MAP7: variants seen among roughly 807,000 people sequenced by gnomAD.
MAP7 encodes ensconsin.
Under a neutral mutation model 94.8 loss-of-function variants are expected in MAP7, and 52 were observed. That is an observed-to-expected ratio of 0.55 (90% CI 0.44 to 0.69). MAP7 has a LOEUF of 0.69. MAP7 is among the 30% of genes least tolerant of loss of function. MAP7 has a pLI of 0.00. For synonymous variants in MAP7, 350 were observed against 357.0 expected, an observed-to-expected ratio of 0.98 and a Z score of 0.22; for missense variants, 940 against 964.6, an observed-to-expected ratio of 0.97 and a Z score of 0.34.
chr6:136,511,161 T>C (rs1259109697), intron 1 of MAP7, among the ~76,000 whole-genome samples: 1 of 152,158 alleles, frequency 6.6e-6, no homozygotes, highest in Non-Finnish European at 1.5e-5. Context: ...GAAGTGTTGA[T>C]ATAAGAGGTC....
Position 136,343,201 on chromosome 6 carries a change from G to A in MAP7, c.*1027C>T, listed in dbSNP as rs1338492933. ...AATGAAAGGTGAAAAGCTGACAGAT[G>A]CCACGCAGAGCAAGGACTTCCATGA... On this transcript the variant is annotated 3_prime_UTR_variant, in exon 18 of 18. Transcript: ENST00000354570. 6.5e-6 allele frequency: 1 copy of A among 152,762 alleles called. No homozygotes were observed. Among genetic ancestry groups the A allele is most frequent in the Non-Finnish European group, 1.5e-5 (1 of 68,022 alleles). 9.5% of individuals were successfully genotyped at this position (152,762 alleles called of 1,614,324 possible).
At chr6:136,408,346 C>T (rs1049503526) in intron 3 of MAP7, among the ~76,000 whole-genome samples, 7 of 152,046 alleles carry the variant, frequency 4.6e-5, no homozygotes, top group Admixed American at 1.3e-4. Context: ...AAAAGCAGGC[C>T]ACATGACATA....
chr6:136,373,978 T>C (rs1381825204), intron 7 of MAP7, among the ~76,000 whole-genome samples: 1 of 152,228 alleles, frequency 6.6e-6, no homozygotes, highest in African/African-American at 2.4e-5. Flanking sequence ...TTGTTCTGCT[T>C]TGAGACAGGA....
chr6:136,504,993 T>C (rs1202027031), intron 1 of MAP7, among the ~76,000 whole-genome samples: 1 of 152,150 alleles, frequency 6.6e-6, no homozygotes, highest in Non-Finnish European at 1.5e-5. Context: ...ATATTTAAAA[T>C]GTGTTTAAAA....
intron 1 of MAP7, among the ~76,000 whole-genome samples, chr6:136,510,688 G>C (rs1823003814): frequency 6.6e-6 from 1 of 152,000 alleles, no homozygotes; most frequent in Non-Finnish European, 1.5e-5. Context: ...TATTTTGGGA[G>C]CGACCATACT....
At chr6:136,426,688 G>C (rs1203109554) in intron 1 of MAP7, among the ~76,000 whole-genome samples, 1 of 152,228 alleles carries the variant, frequency 6.6e-6, no homozygotes, top group African/African-American at 2.4e-5. Context: ...AGGCAGGAGA[G>C]ACAATCAGGA....
rs559869492 is a variant in MAP7 at position 136,414,252 on chromosome 6, C to CAAAAAAAAAAAAAAA, written c.167-2570_167-2556dup. Among the ~76,000 whole-genome samples the CAAAAAAAAAAAAAAA allele has an allele frequency of 7.8e-3, 124 of 15,948 alleles. 13 individuals carry two copies. Among genetic ancestry groups the CAAAAAAAAAAAAAAA allele is most frequent in the Non-Finnish European group, 0.011 (70 of 6,160 alleles). 10.5% of individuals were successfully genotyped at this position (15,948 alleles called of 152,430 possible). On this transcript the variant is annotated intron_variant, in intron 2 of 17. Transcript: ENST00000354570. Reference sequence around the variant, plus strand: ...TGGGCGACAGAGCGAGACTCCGTCTCAAAAAAAAAAAAAAAAAAAAAAAAA... The same window carrying CAAAAAAAAAAAAAAA: ...TGGGCGACAGAGCGAGACTCCGTCTCAAAAAAAAAAAAAAAAAAAAAAAAAAAAAAAAAAAAAAAA...
chr6:136,485,222 C>T (rs1171952637), intron 1 of MAP7, among the ~76,000 whole-genome samples: 3 of 152,312 alleles, frequency 2.0e-5, no homozygotes, highest in African/African-American at 7.2e-5. Flanking sequence ...TCAATAAGGT[C>T]TCTAAACTTA....
At chr6:136,540,517 C>T (rs1205440479) in intron 1 of MAP7, among the ~76,000 whole-genome samples, 1 of 152,154 alleles carries the variant, frequency 6.6e-6, no homozygotes, top group African/African-American at 2.4e-5. Flanking sequence ...TATATGTGTG[C>T]ATACTTAGCT....
intron 1 of MAP7, among the ~76,000 whole-genome samples, chr6:136,443,068 C>T (rs1001341522): frequency 1.3e-5 from 2 of 151,916 alleles, no homozygotes; most frequent in African/African-American, 4.8e-5. Context: ...AATATGTATA[C>T]CCTAGAATTA....
intron 1 of MAP7, among the ~76,000 whole-genome samples, chr6:136,502,759 A>G (rs931513800): frequency 1.3e-5 from 2 of 152,244 alleles, no homozygotes; most frequent in African/African-American, 4.8e-5. Flanking sequence ...CTCTAAGCAG[A>G]GCTCTCCTCT....
At chr6:136,376,140 C>T (rs1776065406) in intron 7 of MAP7, among the ~76,000 whole-genome samples, 1 of 152,174 alleles carries the variant, frequency 6.6e-6, no homozygotes, top group Non-Finnish European at 1.5e-5. Flanking sequence ...GCTCTATCCC[C>T]CAGGCTGGAG....
At chr6:136,376,879 A>C (rs1399203612) in intron 7 of MAP7, among the ~76,000 whole-genome samples, 1 of 152,228 alleles carries the variant, frequency 6.6e-6, no homozygotes, top group Non-Finnish European at 1.5e-5. Flanking sequence ...AAAGCAGGCT[A>C]ATGAACATGG....
intron 1 of MAP7, among the ~76,000 whole-genome samples, chr6:136,469,818 A>G (rs1026680281): frequency 1.3e-5 from 2 of 152,228 alleles, no homozygotes; most frequent in African/African-American, 4.8e-5. Flanking sequence ...AAATTTGTTC[A>G]AGTCAAGATC....
At chr6:136,493,716 T>C (rs1817395562) in intron 1 of MAP7, among the ~76,000 whole-genome samples, 1 of 152,214 alleles carries the variant, frequency 6.6e-6, no homozygotes, top group Non-Finnish European at 1.5e-5. Flanking sequence ...GAAAAACCCA[T>C]ACCGAGAGCA....
intron 1 of MAP7, among the ~76,000 whole-genome samples, chr6:136,528,457 A>T (rs975239991): frequency 3.9e-5 from 6 of 152,238 alleles, no homozygotes; most frequent in African/African-American, 1.2e-4. Context: ...AAATGAAAAT[A>T]TTTTCAAATC....
At chr6:136,398,165 G>T (rs1398072716) in intron 3 of MAP7, among the ~76,000 whole-genome samples, 7 of 152,208 alleles carry the variant, frequency 4.6e-5, no homozygotes, top group Non-Finnish European at 1.0e-4. Flanking sequence ...AAAATGAAAA[G>T]CAGGGTACTG....
chr6:136,442,076 T>C (rs866956587), intron 1 of MAP7, among the ~76,000 whole-genome samples: 21 of 152,062 alleles, frequency 1.4e-4, no homozygotes, highest in Middle Eastern at 6.8e-3. Context: ...TTTCCTGCCA[T>C]GAGTTTTTGG....
chr6:136,451,973 G>A (rs1801265839), intron 1 of MAP7, among the ~76,000 whole-genome samples: 1 of 152,188 alleles, frequency 6.6e-6, no homozygotes, highest in Admixed American at 6.5e-5. Flanking sequence ...GAGGTGGGCA[G>A]ATCATGAGAT....
Sources: gnomAD v4.1 joint callset for allele counts (sites outside exome capture counted in the v4.1 genomes callset) on GRCh38, gnomAD v4.1.1 for gene constraint, MANE v1.5 for transcripts, NCBI Gene and HGNC (gene_info 2026-07-23, HGNC 2026-07-21) for gene names.